The following R3HCC1L variants were observed in gnomAD, a reference collection of about 807,000 sequenced individuals.
The protein encoded by R3HCC1L is R3H domain and coiled-coil containing 1 like, also known as coiled-coil domain-containing protein R3HCC1L.
In R3HCC1L, 51 loss-of-function variants were observed where a neutral mutation model predicts 59.9. The ratio of observed to expected loss-of-function variants is 0.85; its 90% CI spans 0.68 to 1.07. The LOEUF (loss-of-function observed/expected upper bound fraction) is 1.07. Ranked by LOEUF, R3HCC1L falls within the 50% of genes least tolerant of loss-of-function variation. The probability of loss-of-function intolerance (pLI) is 0.00; values close to 1 mark genes in which losing one functional copy is unlikely to be tolerated. For synonymous variants in R3HCC1L, 322 were observed against 315.2 expected (o/e 1.02, Z -0.23); for missense variants, 965 against 933.0 (o/e 1.03, Z -0.45).
chr10:98,215,667 T>A (rs1854110598), intron 5 of R3HCC1L, among the ~76,000 whole-genome samples: 1 of 152,166 alleles, frequency 6.6e-6, no homozygotes, highest in African/African-American at 2.4e-5. Context: ...TGTGTAGAGC[T>A]GTTCTGATAT....
intron 4 of R3HCC1L, among the ~76,000 whole-genome samples, chr10:98,197,371 A>G (rs1851552402): frequency 6.6e-6 from 1 of 152,118 alleles, no homozygotes; most frequent in Non-Finnish European, 1.5e-5. Flanking sequence ...ACTCGATTTA[A>G]ACATCAGCTC....
At chr10:98,157,465 G>A (rs1395386873) in intron 2 of R3HCC1L, among the ~76,000 whole-genome samples, 1 of 152,210 alleles carries the variant, frequency 6.6e-6, no homozygotes, top group East Asian at 1.9e-4. Flanking sequence ...TTTCACAGAG[G>A]AGGAGGGGAT....
At chr10:98,200,037 T>G (rs1851867256) in intron 4 of R3HCC1L, among the ~76,000 whole-genome samples, 1 of 152,126 alleles carries the variant, frequency 6.6e-6, no homozygotes, top group African/African-American at 2.4e-5. Context: ...CTTAACCCTT[T>G]CTCAATTCTT....
At chr10:98,178,672 C>T (rs1425984625) in intron 4 of R3HCC1L, among the ~76,000 whole-genome samples, 2 of 152,174 alleles carry the variant, frequency 1.3e-5, no homozygotes, top group African/African-American at 2.4e-5. Context: ...GCCATTTTCA[C>T]GATACTGATT....
At chr10:98,198,560 A>G (rs1201549629) in intron 4 of R3HCC1L, among the ~76,000 whole-genome samples, 1 of 151,696 alleles carries the variant, frequency 6.6e-6, no homozygotes, top group Non-Finnish European at 1.5e-5. Context: ...AAAAAAAAAA[A>G]AGTTGGGAAA....
intron 1 of R3HCC1L, among the ~76,000 whole-genome samples, chr10:98,151,639 G>GT (rs1037258552): frequency 5.3e-5 from 8 of 152,136 alleles, no homozygotes; most frequent in Non-Finnish European, 1.0e-4. Flanking sequence ...ATAGAGATAT[G>GT]TTTTTTAAGA....
chr10:98,217,720 A>G (rs1355617557), intron 5 of R3HCC1L, among the ~76,000 whole-genome samples: 1 of 152,104 alleles, frequency 6.6e-6, no homozygotes, highest in East Asian at 1.9e-4. Context: ...TTTTCCTGGT[A>G]GAGAGCTTTC....
At chr10:98,191,597 G>A (rs1850860590) in intron 4 of R3HCC1L, among the ~76,000 whole-genome samples, 2 of 152,142 alleles carry the variant, frequency 1.3e-5, no homozygotes, top group Admixed American at 6.5e-5. Flanking sequence ...CTCCCATTCT[G>A]CAGGTTGCCT....
At chr10:98,163,539 G>C in intron 4 of R3HCC1L, 142 bp downstream of exon 4, 2 of 474,504 alleles carry the variant, frequency 4.2e-6, no homozygotes, top group South Asian at 1.2e-4. Context: ...GCAGTTTCCT[G>C]AAAGGTATAG....
intron 4 of R3HCC1L, among the ~76,000 whole-genome samples, chr10:98,163,624 G>A (rs1334600291): frequency 6.6e-6 from 1 of 152,104 alleles, no homozygotes; most frequent in Non-Finnish European, 1.5e-5. Flanking sequence ...AGGAGAACAG[G>A]GGCTGTTTAA....
At chr10:98,195,613 A>C (rs2134974257) in intron 4 of R3HCC1L, among the ~76,000 whole-genome samples, 1 of 152,080 alleles carries the variant, frequency 6.6e-6, no homozygotes, top group Admixed American at 6.5e-5. Context: ...ACTCTTTGTT[A>C]GCTATTAAAA....
At chr10:98,244,014 C>T (rs1857832614) in intron 9 of R3HCC1L, 77 bp from the exon 10 acceptor site, 3 of 1,301,206 alleles carry the variant, frequency 2.3e-6, no homozygotes, top group Non-Finnish European at 3.3e-6. Flanking sequence ...CTAAAGTTTG[C>T]CTTGTAATTT....
Position 98,244,408 on chromosome 10 carries a change from A to T in R3HCC1L, c.*250A>T. 1 of 367,788 alleles carries T rather than the reference A, an allele frequency of 2.7e-6. No individual in the cohort carries two copies. The highest frequency in any genetic ancestry group is 3.8e-5 in the South Asian group (1 of 26,522). 22.8% of individuals were successfully genotyped at this position (367,788 alleles called of 1,614,324 possible). On this transcript the variant is annotated 3_prime_UTR_variant, in exon 10 of 10. Coordinates refer to ENST00000298999, the MANE Select transcript of R3HCC1L (RefSeq NM_001351015.2). The stretch of plus-strand genomic sequence containing the variant: ...CATCAGCTAGGAAGAAACGTGGGAG[A>T]TGTGAATTCCAAGAGTTGCCTGGAC...
In R3HCC1L at chr10:98,216,571, T is replaced by C. The variant is rs543769038; in HGVS notation, c.1785+6672T>C. On this transcript the variant is annotated intron_variant, in intron 5 of 9. Coordinates refer to ENST00000298999, the MANE Select transcript of R3HCC1L (RefSeq NM_001351015.2). Reference sequence around the variant, plus strand: ...TAAGTCTTGGGTTTTTTTGTTCGTCTGTTTTTTATGTGGTGGGGGTTGAGA... The same window carrying C: ...TAAGTCTTGGGTTTTTTTGTTCGTCCGTTTTTTATGTGGTGGGGGTTGAGA... Among the ~76,000 whole-genome samples, 12 of 152,150 alleles carry C rather than the reference T, an allele frequency of 7.9e-5. No individual in the cohort carries two copies. The South Asian group carries it at 1.0e-3, about 13-fold the overall frequency.
At position 98,208,399 on chromosome 10, in the gene R3HCC1L, C is replaced by T; in HGVS notation, c.285C>T (p.Asp95=). 1 of 1,613,830 alleles carries T rather than the reference C, an allele frequency of 6.2e-7. No homozygotes were observed. The highest frequency in any genetic ancestry group is 8.5e-7 in the Non-Finnish European group (1 of 1,179,968). ...EKKSSTKLRM[D]TCLQKTNRVC... Reference sequence around the variant, plus strand: ...AATCTTCAACAAAATTAAGAATGGACACATGCCTTCAAAAAACAAATAGAG... The same window carrying T: ...AATCTTCAACAAAATTAAGAATGGATACATGCCTTCAAAAAACAAATAGAG... Residue 95 remains aspartate (D), a synonymous_variant, in exon 5 of 10, where the codon GAC becomes GAT. Coordinates refer to ENST00000298999, the MANE Select transcript of R3HCC1L (RefSeq NM_001351015.2).
chr10:98,242,698 G>C (rs1857666280), intron 9 of R3HCC1L, among the ~76,000 whole-genome samples: 1 of 152,122 alleles, frequency 6.6e-6, no homozygotes, highest in South Asian at 2.1e-4. Context: ...TGAAAAATTG[G>C]AGTTCTAATA....
Position 98,244,331 on chromosome 10 carries a change from C to T in R3HCC1L, c.*173C>T. On this transcript the variant is annotated 3_prime_UTR_variant, in exon 10 of 10. Transcript: ENST00000298999. ...AGGAAGACAGACTCCTGTCTTCACT[C>T]CTAAATGCAGTTCTTTGGAATCACC... The T allele has an allele frequency of 3.5e-6, 2 of 571,920 alleles. No individual in the cohort carries two copies. Among genetic ancestry groups the T allele is most frequent in the East Asian group, 3.2e-5 (1 of 31,458 alleles). 35.4% of individuals were successfully genotyped at this position (571,920 alleles called of 1,614,324 possible).
At chr10:98,193,985 C>T (rs1851134976) in intron 4 of R3HCC1L, among the ~76,000 whole-genome samples, 1 of 152,036 alleles carries the variant, frequency 6.6e-6, no homozygotes, top group Admixed American at 6.6e-5. Context: ...TAAAACCATC[C>T]TAAAATTCAT....
chr10:98,170,140 A>G (rs1262833216), intron 4 of R3HCC1L, among the ~76,000 whole-genome samples: 2 of 152,156 alleles, frequency 1.3e-5, no homozygotes, highest in Admixed American at 6.5e-5. Flanking sequence ...AACTTTGCTC[A>G]GCATATATTG....
Sources: gnomAD v4.1 joint callset for allele counts (sites outside exome capture counted in the v4.1 genomes callset) on GRCh38, gnomAD v4.1.1 for gene constraint, MANE v1.5 for transcripts, NCBI Gene and HGNC (gene_info 2026-07-23, HGNC 2026-07-21) for gene names.